The following NTN1 variants were observed in gnomAD, a reference collection of about 807,000 sequenced individuals.
NTN1 encodes netrin 1.
A neutral mutation model predicts 54.2 loss-of-function variants in NTN1; 11 were observed. The observed-to-expected ratio is 0.20, with a 90% CI of 0.13 to 0.34. The LOEUF is 0.34. NTN1 is among the 10% of genes least tolerant of loss of function. The pLI, the probability that NTN1 is intolerant of heterozygous loss-of-function variation, is 1.00. For missense variants in NTN1, 740 were observed against 893.1 expected, an observed-to-expected ratio of 0.83 and a Z score of 2.18; for synonymous variants, 371 against 382.0, an observed-to-expected ratio of 0.97 and a Z score of 0.33.
At chr17:9,007,407 TTTC>T in the NTN1 span, among the ~76,000 whole-genome samples, 8 of 151,176 alleles carry the variant, frequency 5.3e-5, no homozygotes, top group African/African-American at 1.7e-4. Context: ...TCTCTCTTCT[TTTC>T]TTCTCTCTTT....
intron 2 of NTN1, among the ~76,000 whole-genome samples, chr17:9,082,216 C>T (rs1451553201): frequency 6.6e-6 from 1 of 152,170 alleles, no homozygotes; most frequent in African/African-American, 2.4e-5. Context: ...CCCACCACCA[C>T]ATCCGGCTAA....
chr17:9,221,147 T>TCCAC lies in NTN1; in HGVS notation c.1412-19_1412-18insACCC. The TCCAC allele has an allele frequency of 7.7e-7, 1 of 1,303,814 alleles. No homozygotes were observed. Among genetic ancestry groups the TCCAC allele is most frequent in the Admixed American group, 2.1e-5 (1 of 47,744 alleles). The allele number at this position is 1,303,814 out of a possible 1,614,324, so 80.8% of individuals were successfully genotyped here. On this transcript the variant is annotated intron_variant, in intron 5 of 6. Coordinates refer to ENST00000173229, the MANE Select transcript of NTN1 (RefSeq NM_004822.3). This position sits in a 1 kb window ranked among gnomAD's most constrained non-coding sequence, Gnocchi z 4.5. ...CAGCCTAATTAGTTTTTGTCTGTGCTCCCCCCCCACCCCCCTGCAGACTGC... is the reference window on the plus strand; with the variant it reads ...CAGCCTAATTAGTTTTTGTCTGTGCTCCACCCCCCCCCACCCCCCTGCAGACTGC...
intron 2 of NTN1, among the ~76,000 whole-genome samples, chr17:9,121,855 C>A (rs990408467): frequency 1.3e-5 from 2 of 152,178 alleles, no homozygotes; most frequent in Admixed American, 1.3e-4. Context: ...CCTACTTCCT[C>A]AAATCAGTCC....
At chr17:9,037,704 G>C (rs186216198) in intron 2 of NTN1, among the ~76,000 whole-genome samples, 1 of 152,064 alleles carries the variant, frequency 6.6e-6, no homozygotes, top group Non-Finnish European at 1.5e-5. Context: ...ACCTTAGCCC[G>C]ATGGACAAAG....
At chr17:9,166,149 T>TCCACCACCA (rs60014697) in intron 3 of NTN1, among the ~76,000 whole-genome samples, 3 of 111,420 alleles carry the variant, frequency 2.7e-5, no homozygotes, top group Admixed American at 1.0e-4. Flanking sequence ...TCAACCCCCT[T>TCCACCACCA]CCACCACCAC....
At chr17:9,067,447 A>G (rs192425328) in intron 2 of NTN1, among the ~76,000 whole-genome samples, 26 of 152,320 alleles carry the variant, frequency 1.7e-4, no homozygotes, top group African/African-American at 5.5e-4. Context: ...TTACAATAAG[A>G]TAACAGTTTT....
intron 6 of NTN1, among the ~76,000 whole-genome samples, chr17:9,228,383 CTGGAGA>C (rs777659422): frequency 1.3e-5 from 2 of 152,150 alleles, no homozygotes; most frequent in Non-Finnish European, 2.9e-5. Flanking sequence ...CCCAGGGAGG[CTGGAGA>C]GAGGCTGGTG....
chr17:9,030,260 G>T (rs115220457), intron 2 of NTN1, among the ~76,000 whole-genome samples: 2 of 152,166 alleles, frequency 1.3e-5, no homozygotes, highest in African/African-American at 2.4e-5. Context: ...GATACTCTCC[G>T]AGGAGAAAGG....
At chr17:9,186,215 C>T (rs2092432533) in intron 5 of NTN1, among the ~76,000 whole-genome samples, 1 of 152,216 alleles carries the variant, frequency 6.6e-6, no homozygotes, top group Admixed American at 6.5e-5. Context: ...TTTCTGGCTA[C>T]CCAATGAGAT....
chr17:9,081,374 A>G (rs1000638572), intron 2 of NTN1, among the ~76,000 whole-genome samples: 4 of 152,190 alleles, frequency 2.6e-5, no homozygotes, highest in African/African-American at 9.7e-5. Flanking sequence ...AAGATCACCC[A>G]GGAGCCCATC....
chr17:9,068,425 T>G (rs1412943702), intron 2 of NTN1, among the ~76,000 whole-genome samples: 2 of 152,010 alleles, frequency 1.3e-5, no homozygotes, highest in South Asian at 2.1e-4. Context: ...GCTCAAGGGA[T>G]CCTCCTGCAT....
intron 2 of NTN1, among the ~76,000 whole-genome samples, chr17:9,100,964 A>G (rs2092148694): frequency 6.6e-6 from 1 of 151,810 alleles, no homozygotes; most frequent in Non-Finnish European, 1.5e-5. Flanking sequence ...CCAGTTTCCT[A>G]CCATTGAGAT....
intron 2 of NTN1, among the ~76,000 whole-genome samples, chr17:9,127,615 T>C (rs1256617479): frequency 6.6e-6 from 1 of 152,030 alleles, no homozygotes; most frequent in Non-Finnish European, 1.5e-5. Flanking sequence ...TGGGCACACT[T>C]GGTGTTAAAA....
chr17:9,228,465 G>A (rs1331818190), intron 6 of NTN1, among the ~76,000 whole-genome samples: 1 of 152,272 alleles, frequency 6.6e-6, no homozygotes, highest in Middle Eastern at 3.4e-3. Context: ...GTGGACACGC[G>A]GGGGCTCCCA....
rs540332988 is a variant in NTN1 at position 9,231,526 on chromosome 17, A to T, written c.1487-8114A>T. Among the ~76,000 whole-genome samples the T allele has an allele frequency of 1.7e-3, 261 of 152,284 alleles. 1 individual carries two copies. The highest frequency in any genetic ancestry group is 2.8e-3 in the Non-Finnish European group (187 of 67,990). The stretch of plus-strand genomic sequence containing the variant: ...GCCAAGTCCCGTGTGTAGAGAGTGC[A>T]TGGATGCTAACCCCACACGGGACAG... On this transcript the variant is annotated intron_variant, in intron 6 of 6. Transcript: ENST00000173229.
rs764297553 is a variant in NTN1, at chr17:9,022,890, C to T, written c.517C>T (p.Pro173Ser). ...KSMDYGRTWV[P>S]FQFYSTQCRK... Reference sequence around the variant, plus strand: ...CATGGACTACGGGCGCACGTGGGTGCCCTTCCAGTTCTACTCCACGCAGTG... The same window carrying T: ...CATGGACTACGGGCGCACGTGGGTGTCCTTCCAGTTCTACTCCACGCAGTG... Residue 173 changes from proline to serine, a missense_variant, in exon 2 of 7, where the codon CCC (proline) becomes TCC (serine). Coordinates refer to ENST00000173229, the MANE Select transcript of NTN1 (RefSeq NM_004822.3). 9.3e-6 allele frequency: 15 copies of T among 1,612,216 alleles called. No homozygotes were observed. Among genetic ancestry groups the T allele is most frequent in the Non-Finnish European group, 1.3e-5 (15 of 1,179,904 alleles).
At position 9,085,739 on chromosome 17, in the gene NTN1, C is replaced by T. The variant is rs141103760; in HGVS notation, c.1018+62348C>T. Among the ~76,000 whole-genome samples, 24 of 152,308 alleles carry T rather than the reference C, an allele frequency of 1.6e-4. No individual in the cohort carries two copies. The East Asian group carries it at 4.6e-3, about 29-fold the overall frequency. On this transcript the variant is annotated intron_variant, in intron 2 of 6. Coordinates refer to ENST00000173229, the MANE Select transcript of NTN1 (RefSeq NM_004822.3). ...CAGTTGGGTACTCAAATGACAGCTG[C>T]TCTTATGGCCGTTTTCATTCAGCCA...
chr17:9,208,146 C>T (rs1461852083), intron 5 of NTN1, among the ~76,000 whole-genome samples: 10 of 152,294 alleles, frequency 6.6e-5, no homozygotes, highest in African/African-American at 1.9e-4. Flanking sequence ...GCAGAAGAAT[C>T]GCTTGAACCT....
intron 5 of NTN1, among the ~76,000 whole-genome samples, chr17:9,215,696 C>T (rs184410383): frequency 2.2e-4 from 34 of 152,262 alleles, no homozygotes; most frequent in Non-Finnish European, 4.4e-4. Context: ...AGACATTGCT[C>T]CATGATCATC....
Sources: gnomAD v4.1 joint callset for allele counts (sites outside exome capture counted in the v4.1 genomes callset) on GRCh38, gnomAD v4.1.1 for gene constraint, Gnocchi (gnomAD v3.1) non-coding constraint, MANE v1.5 for transcripts, NCBI Gene and HGNC (gene_info 2026-07-23, HGNC 2026-07-21) for gene names.